The following TBC1D30 variants were observed in gnomAD, a reference collection of about 807,000 sequenced individuals.
The protein encoded by TBC1D30 is TBC1 domain family member 30, also known as TBC1 domain family, member 30.
In TBC1D30, 31 loss-of-function variants were observed where a neutral mutation model predicts 63.2. That is an observed-to-expected ratio of 0.49 (90% CI 0.37 to 0.66). The LOEUF is 0.66. Ranked by LOEUF, TBC1D30 falls within the 30% of genes least tolerant of loss-of-function variation. The pLI, the probability that TBC1D30 is intolerant of heterozygous loss-of-function variation, is 0.00. For synonymous variants in TBC1D30, 307 were observed against 361.5 expected (o/e 0.85, Z 1.71); for missense variants, 810 against 953.6 (o/e 0.85, Z 1.98).
chr12:64,785,173 C>T (rs530116409), intron 1 of TBC1D30, among the ~76,000 whole-genome samples: 5 of 137,790 alleles, frequency 3.6e-5, no homozygotes, highest in African/African-American at 8.1e-5. Context: ...TTCTTTGAGA[C>T]GGAGTTTCGC....
chr12:64,854,696 C>T (rs572078728), intron 8 of TBC1D30, among the ~76,000 whole-genome samples: 3 of 152,174 alleles, frequency 2.0e-5, no homozygotes, highest in Admixed American at 1.3e-4. Flanking sequence ...AGGGTTTCAC[C>T]GTGTTAGCCA....
At chr12:64,819,566 G>A (rs139000976) in intron 2 of TBC1D30, among the ~76,000 whole-genome samples, 1,768 of 151,900 alleles carry the variant, frequency 0.012, 48 homozygotes, top group African/African-American at 0.041. Context: ...ACAGGTGTGC[G>A]CCACCACACC....
At chr12:64,796,352 G>A (rs1042453568) in intron 2 of TBC1D30, among the ~76,000 whole-genome samples, 1 of 152,026 alleles carries the variant, frequency 6.6e-6, no homozygotes, top group African/African-American at 2.4e-5. Context: ...CACTCAGCTG[G>A]TTAGTGACTC....
chr12:64,871,051 C>T (rs746913603), intron 11 of TBC1D30, among the ~76,000 whole-genome samples: 12 of 152,162 alleles, frequency 7.9e-5, no homozygotes, highest in South Asian at 2.1e-4. Context: ...GTATTAAACA[C>T]GTCTCTACTG....
chr12:64,834,589 T>C (rs1875165355), intron 5 of TBC1D30, among the ~76,000 whole-genome samples: 1 of 151,718 alleles, frequency 6.6e-6, no homozygotes, highest in Admixed American at 6.6e-5. Context: ...ATATTTTTAG[T>C]AGAGATGGGG....
At chr12:64,860,060 T>C (rs1199059556) in intron 8 of TBC1D30, among the ~76,000 whole-genome samples, 1 of 151,020 alleles carries the variant, frequency 6.6e-6, no homozygotes, top group African/African-American at 2.4e-5. Context: ...CTTTGTCACA[T>C]AGACTGGAGT....
At chr12:64,834,229 A>G (rs1034320330) in intron 5 of TBC1D30, among the ~76,000 whole-genome samples, 2 of 152,070 alleles carry the variant, frequency 1.3e-5, no homozygotes, top group Admixed American at 1.3e-4. Context: ...AAAATATTGG[A>G]CATCTATTTT....
upstream of TBC1D30, among the ~76,000 whole-genome samples, chr12:64,820,334 C>A (rs1362656874): frequency 6.6e-6 from 1 of 152,176 alleles, no homozygotes; most frequent in African/African-American, 2.4e-5. Context: ...TCATTCCCAG[C>A]ATGTAGGCCT....
intron 2 of TBC1D30, among the ~76,000 whole-genome samples, chr12:64,817,851 T>C (rs1873640343): frequency 1.3e-5 from 2 of 152,008 alleles, no homozygotes; most frequent in African/African-American, 4.8e-5. Context: ...TCATTTGAGG[T>C]CAAGAGTTCG....
chr12:64,810,885 C>T (rs921872487), intron 2 of TBC1D30, among the ~76,000 whole-genome samples: 1 of 152,208 alleles, frequency 6.6e-6, no homozygotes, highest in African/African-American at 2.4e-5. Context: ...AGCCCCAGAG[C>T]CTAGAAGGTA....
At chr12:64,823,617 G>A (rs951997056), upstream of TBC1D30, among the ~76,000 whole-genome samples, 5 of 152,002 alleles carry the variant, frequency 3.3e-5, no homozygotes, top group African/African-American at 9.7e-5. Context: ...GTGAGCCACC[G>A]TGCCCAGACT....
rs2136503831 is a variant in TBC1D30, at chr12:64,879,559, GTC to G, written c.*3775_*3776del. ...TCTCTACATCCTGGAAGAGGCAGCA[GTC>G]TCTTTCCTTTTTTTTCCTTTCTATG... On this transcript the variant is annotated 3_prime_UTR_variant, in exon 12 of 12. Transcript: ENST00000539867. The G allele has an allele frequency of 6.6e-6, 1 of 152,324 alleles. No individual in the cohort carries two copies. Among genetic ancestry groups the G allele is most frequent in the South Asian group, 2.1e-4 (1 of 4,830 alleles). 9.4% of individuals were successfully genotyped at this position (152,324 alleles called of 1,614,324 possible). A position where few individuals can be genotyped will look rare whatever the true frequency, so the allele number is the denominator to read the frequency against.
intron 2 of TBC1D30, among the ~76,000 whole-genome samples, chr12:64,814,161 C>T (rs956591871): frequency 6.6e-6 from 1 of 152,122 alleles, no homozygotes; most frequent in African/African-American, 2.4e-5. Context: ...ATTGTCGTGC[C>T]TCAGCCACCT....
intron 8 of TBC1D30, among the ~76,000 whole-genome samples, chr12:64,849,627 T>C (rs967809591): frequency 2.0e-5 from 3 of 152,276 alleles, no homozygotes; most frequent in South Asian, 4.1e-4. Flanking sequence ...GTTCCATTGG[T>C]TTATATATTT....
rs897663974 is a variant in TBC1D30, at chr12:64,832,201, C to T, written c.491C>T (p.Ala164Val). 3 of 1,536,028 alleles carry T rather than the reference C, an allele frequency of 2.0e-6. No homozygotes were observed. In the African/African-American group the frequency reaches 4.1e-5, roughly 21 times the overall value. The change falls in exon 5 of 12, where the codon GCC (alanine) becomes GTC (valine). Residue 164 changes from alanine to valine, a missense_variant. Transcript: ENST00000539867. ...DRVVLKRVLL[A>V]YARWNKTVGY... Reference sequence around the variant, plus strand: ...GTTGTGTTGAAGCGGGTGCTGCTGGCCTATGCCCGATGGAACAAAACTGTT... The same window carrying T: ...GTTGTGTTGAAGCGGGTGCTGCTGGTCTATGCCCGATGGAACAAAACTGTT...
At chr12:64,789,217 C>G (rs1246599049) in intron 2 of TBC1D30, among the ~76,000 whole-genome samples, 3 of 139,806 alleles carry the variant, frequency 2.1e-5, no homozygotes, top group East Asian at 2.1e-4. Flanking sequence ...GAGTCTCACT[C>G]TGTCGCCCAG....
At chr12:64,787,397 G>A in intron 2 of TBC1D30, 1 of 984,274 alleles carries the variant, frequency 1.0e-6, no homozygotes, top group Non-Finnish European at 1.2e-6. Flanking sequence ...GTAAATATAG[G>A]TACAATGATG....
In TBC1D30 at chr12:64,864,757, A is replaced by G. The variant is rs1283834035; in HGVS notation, c.1128A>G (p.Thr376=). ...ACAACATTACACCGTTCCCAGCCACAGTTAAACCCACCTCAGTTTCTGGGT... is the reference window on the plus strand; with the variant it reads ...ACAACATTACACCGTTCCCAGCCACGGTTAAACCCACCTCAGTTTCTGGGT... ...YTYNITPFPA[T]VKPTSVSGRH... Residue 376 remains threonine, a synonymous_variant, in exon 9 of 12, where the codon ACA becomes ACG. Transcript: ENST00000539867. 1 of 1,535,864 alleles carries G rather than the reference A, an allele frequency of 6.5e-7. No homozygotes were observed.
At chr12:64,788,671 C>CG (rs1226236133) in intron 2 of TBC1D30, among the ~76,000 whole-genome samples, 1 of 152,144 alleles carries the variant, frequency 6.6e-6, no homozygotes, top group African/African-American at 2.4e-5. Context: ...GTCAATGCAT[C>CG]CTTCCTATGT....
Sources: allele counts gnomAD v4.1 joint callset (sites outside exome capture counted in the v4.1 genomes callset), GRCh38; gene constraint gnomAD v4.1.1; transcripts MANE v1.5; gene names NCBI Gene and HGNC (gene_info 2026-07-23, HGNC 2026-07-21).